The following MROH2A variants were observed in gnomAD, a reference collection of about 807,000 sequenced individuals.
MROH2A encodes maestro heat like repeat family member 2A.
A neutral mutation model predicts 200.4 loss-of-function variants in MROH2A; 174 were observed. The ratio of observed to expected loss-of-function variants is 0.87; its 90% confidence interval spans 0.77 to 0.98. The LOEUF (loss-of-function observed/expected upper bound fraction) is 0.98. MROH2A is among the 50% of genes least tolerant of loss of function. The probability of loss-of-function intolerance (pLI) is 0.00; values close to 1 mark genes in which losing one functional copy is unlikely to be tolerated. For missense variants in MROH2A, 2,045 were observed against 2,139.6 expected (o/e 0.96, Z 0.87); for synonymous variants, 829 against 840.4 (o/e 0.99, Z 0.23).
chr2:233,823,548 C>G lies in MROH2A; in HGVS notation c.4005-8C>G. On this transcript the variant is annotated splice_polypyrimidine_tract_variant and splice_region_variant and intron_variant, in intron 34 of 41. Coordinates refer to ENST00000389758, the MANE Select transcript of MROH2A (RefSeq NM_001394639.1). ...CCTCCACGACCTGGCACTGTCTCTCCTCTGCAGGCTGTGCATGCAGCACGT... is the reference window on the plus strand; with the variant it reads ...CCTCCACGACCTGGCACTGTCTCTCGTCTGCAGGCTGTGCATGCAGCACGT... The G allele has an allele frequency of 4.5e-6, 7 of 1,549,440 alleles. No individual in the cohort carries two copies. The highest frequency in any genetic ancestry group is 6.1e-6 in the Non-Finnish European group (7 of 1,146,652).
At chr2:233,803,567 C>A (rs1287446384) in intron 16 of MROH2A, 79 bp downstream of exon 16, 5 of 1,465,146 alleles carry the variant, frequency 3.4e-6, no homozygotes, top group Non-Finnish European at 3.7e-6. Context: ...TCCTAATTCC[C>A]AGAGCCCCAG....
Position 233,828,783 on chromosome 2 carries a change from CTG to C in MROH2A, c.4263+7_4263+8del, listed in dbSNP as rs968399644. ...GGCCCTGGGCGCCCCCAAGAAGGTA[CTG>C]TGCCTGGCCCTGGGCCCAGGTCCCG... On this transcript the variant is annotated splice_donor_5th_base_variant and intron_variant, in intron 36 of 41. Transcript: ENST00000389758. This position sits in a 1 kb window ranked among gnomAD's most constrained non-coding sequence, Gnocchi z 4.6. 30 of 1,549,964 alleles carry C rather than the reference CTG, an allele frequency of 1.9e-5. No individual in the cohort carries two copies. The highest frequency in any genetic ancestry group is 2.6e-5 in the Non-Finnish European group (30 of 1,146,722).
chr2:233,816,725 A>G, intron 26 of MROH2A, 56 bp from the exon 27 acceptor site: 2 of 1,259,114 alleles, frequency 1.6e-6, no homozygotes. Flanking sequence ...CTGGCCAGGA[A>G]AGGGCTGGCC....
intron 26 of MROH2A, among the ~76,000 whole-genome samples, chr2:233,816,107 T>C (rs1703508486): frequency 6.6e-6 from 1 of 152,246 alleles, no homozygotes; most frequent in African/African-American, 2.4e-5. Flanking sequence ...GTTGCCCAGA[T>C]ACCATCTATC....
At chr2:233,779,523 C>A in intron 2 of MROH2A, 71 bp downstream of exon 2, 1 of 1,395,544 alleles carries the variant, frequency 7.2e-7, no homozygotes, top group Non-Finnish European at 9.9e-7. Flanking sequence ...GCAGCCCCAG[C>A]CTAGGTCTCC....
At chr2:233,795,823 G>A in intron 9 of MROH2A, 78 bp downstream of exon 9, 2 of 1,549,270 alleles carry the variant, frequency 1.3e-6, no homozygotes, top group South Asian at 2.4e-5. Context: ...AGGTGGCCTG[G>A]CCCACAACTC....
intron 35 of MROH2A, among the ~76,000 whole-genome samples, chr2:233,824,826 G>A (rs1026477428): frequency 3.9e-5 from 6 of 152,176 alleles, no homozygotes; most frequent in African/African-American, 1.4e-4. Context: ...GGTTCCATAT[G>A]AATTTTAAAA....
chr2:233,781,654 T>C (rs1162097076), intron 3 of MROH2A, among the ~76,000 whole-genome samples: 1 of 152,124 alleles, frequency 6.6e-6, no homozygotes, highest in African/African-American at 2.4e-5. Flanking sequence ...TGGAGAGATA[T>C]TCTCCTATTC....
chr2:233,783,431 G>T (rs913145141), intron 3 of MROH2A, among the ~76,000 whole-genome samples: 1 of 151,946 alleles, frequency 6.6e-6, no homozygotes, highest in Non-Finnish European at 1.5e-5. Context: ...CTATTTCTTC[G>T]TTGTTCAATC....
At position 233,779,741 on chromosome 2, in the gene MROH2A, G is replaced by A. The variant is rs942668083; in HGVS notation, c.165G>A (p.Gly55=). The part of the protein sequence containing the change: ...DSESAKTDTT[G]AGLDMRKTLA... The stretch of plus-strand genomic sequence containing the variant: ...AGTCAGCAAAGACGGACACAACAGG[G>A]GCAGGCCTTGACATGCGGAAGACCC... The change falls in exon 3 of 42, where the codon GGG becomes GGA. Residue 55 remains glycine (G), a synonymous_variant. Transcript: ENST00000389758. 2.5e-5 allele frequency: 38 copies of A among 1,550,930 alleles called. No homozygotes were observed. Among genetic ancestry groups the A allele is most frequent in the Non-Finnish European group, 3.0e-5 (34 of 1,147,094 alleles).
At position 233,811,861 on chromosome 2, in the gene MROH2A, C is replaced by G; in HGVS notation, c.2572-19C>G. The G allele has an allele frequency of 6.5e-7, 1 of 1,538,998 alleles. No individual in the cohort carries two copies. Among genetic ancestry groups the G allele is most frequent in the Non-Finnish European group, 8.8e-7 (1 of 1,136,606 alleles). On this transcript the variant is annotated intron_variant, in intron 23 of 41. Transcript: ENST00000389758. ...ATCATGGTCACCAAAAGCCACCACC[C>G]CCTGCTTGTGTTGGACAGGCGGTCA...
chr2:233,804,393 G>T, intron 17 of MROH2A, 102 bp from the exon 18 acceptor site: 1 of 1,368,720 alleles, frequency 7.3e-7, no homozygotes, highest in Admixed American at 2.0e-5. Context: ...TCCATGGAGG[G>T]CCTCAAATGC....
chr2:233,782,196 G>A (rs1485213295), intron 3 of MROH2A, among the ~76,000 whole-genome samples: 1 of 152,076 alleles, frequency 6.6e-6, no homozygotes, highest in Non-Finnish European at 1.5e-5. Context: ...GGATTGGTTT[G>A]TCTGTTTGGA....
chr2:233,790,441 CCTCCCTCCCCCCCTTCCTT>C (rs1321091264), intron 5 of MROH2A, among the ~76,000 whole-genome samples: 2 of 73,952 alleles, frequency 2.7e-5, no homozygotes, highest in African/African-American at 1.5e-4. Flanking sequence ...CTCCTTCCTT[CCTCCCTCCCCCCCTTCCTT>C]CCTCCCTCCC....
chr2:233,789,706 C>T, intron 4 of MROH2A, 78 bp downstream of exon 4: 1 of 1,446,216 alleles, frequency 6.9e-7, no homozygotes, highest in East Asian at 2.5e-5. Flanking sequence ...CCCAGGATGC[C>T]CACAGCCCTG....
At chr2:233,804,355 G>T (rs1702660690) in intron 17 of MROH2A, 140 bp from the exon 18 acceptor site, 2 of 1,310,472 alleles carry the variant, frequency 1.5e-6, no homozygotes, top group African/African-American at 2.9e-5. Context: ...GGAAGGTGAG[G>T]AGTGCAATGC....
intron 3 of MROH2A, among the ~76,000 whole-genome samples, chr2:233,788,893 C>T (rs934091782): frequency 7.9e-5 from 10 of 126,862 alleles, no homozygotes; most frequent in Admixed American, 3.1e-4. Flanking sequence ...GAGGCGAAAT[C>T]GCGCCACTGC....
intron 35 of MROH2A, among the ~76,000 whole-genome samples, chr2:233,824,140 C>T (rs1704147158): frequency 6.6e-6 from 1 of 152,178 alleles, no homozygotes; most frequent in African/African-American, 2.4e-5. Flanking sequence ...TAAAGGACTG[C>T]AGAGTAAATT....
In MROH2A at chr2:233,794,445, A is replaced by C; in HGVS notation, c.905A>C (p.Asp302Ala). Residue 302 changes from aspartate (D) to alanine (A), a missense_variant, in exon 8 of 42, where the codon GAC becomes GCC. Transcript: ENST00000389758. ...GATGACCTGCGGGAGCAGGTCTACG[A>C]CTACATCCCCCTGCTGCTGGCGGAG... ...PNDDLREQVY[D>A]YIPLLLAEYQ... 1 of 1,550,450 alleles carries C rather than the reference A, an allele frequency of 6.4e-7. No homozygotes were observed.
Sources: allele counts gnomAD v4.1 joint callset (sites outside exome capture counted in the v4.1 genomes callset), GRCh38; gene constraint gnomAD v4.1.1; non-coding constraint Gnocchi (gnomAD v3.1); transcripts MANE v1.5; gene names NCBI Gene and HGNC (gene_info 2026-07-23, HGNC 2026-07-21).